The following FREM1 variants were observed in gnomAD, a reference collection of about 807,000 sequenced individuals.
FREM1 encodes the protein FRAS1-related extracellular matrix protein 1.
In FREM1, 220 loss-of-function variants were observed where a neutral mutation model predicts 210.1. The ratio of observed to expected loss-of-function variants is 1.05; its 90% CI spans 0.94 to 1.17. The LOEUF (loss-of-function observed/expected upper bound fraction) is 1.17. FREM1 is among the 50% of genes most tolerant of loss of function. FREM1 has a pLI of 0.00. For synonymous variants in FREM1, 1,189 were observed against 980.2 expected (o/e 1.21, Z -3.98); for missense variants, 3,454 against 2,675.5 (o/e 1.29, Z -6.42).
At chr9:14,753,070 A>G (rs1486545813) in intron 29 of FREM1, among the ~76,000 whole-genome samples, 4 of 152,100 alleles carry the variant, frequency 2.6e-5, no homozygotes, top group African/African-American at 9.7e-5. Flanking sequence ...AAACTTTATC[A>G]TTTTTTCCCT....
chr9:14,887,828 T>C (rs980455838), intron 1 of FREM1, among the ~76,000 whole-genome samples: 14 of 152,168 alleles, frequency 9.2e-5, no homozygotes, highest in African/African-American at 3.4e-4. Context: ...AAATATACAG[T>C]GATTTAAGTG....
Position 14,860,855 on chromosome 9 carries a change from ATATATACACATATATATACG to A in FREM1, c.330-1391_330-1372del. Among the ~76,000 whole-genome samples, 2 of 87,970 alleles carry A rather than the reference ATATATACACATATATATACG, an allele frequency of 2.3e-5. 1 individual carries two copies. Among genetic ancestry groups the A allele is most frequent in the African/African-American group, 1.6e-4 (2 of 12,364 alleles). The allele number at this position is 87,970 out of a possible 152,430, so 57.7% of individuals were successfully genotyped here. A position where few individuals can be genotyped will look rare whatever the true frequency, so the allele number is the denominator to read the frequency against. The stretch of plus-strand genomic sequence containing the variant: ...TATACGTATATATACATATATACGT[ATATATACACATATATATACG>A]TATATATACACATATATACATATAT... On this transcript the variant is annotated intron_variant, in intron 3 of 36. Transcript: ENST00000380880.
chr9:14,788,218 G>A (rs957895515), intron 23 of FREM1, among the ~76,000 whole-genome samples: 4 of 152,110 alleles, frequency 2.6e-5, no homozygotes, highest in African/African-American at 9.7e-5. Flanking sequence ...CCTCACATAA[G>A]CTGAAGCAAA....
chr9:14,880,701 T>C (rs1588561968), intron 1 of FREM1, among the ~76,000 whole-genome samples: 1 of 152,310 alleles, frequency 6.6e-6, no homozygotes, highest in East Asian at 1.9e-4. Context: ...AATCTTATTG[T>C]GTTTAAAGGC....
At chr9:14,881,152 C>T (rs1489066559) in intron 1 of FREM1, among the ~76,000 whole-genome samples, 2 of 152,232 alleles carry the variant, frequency 1.3e-5, no homozygotes, top group African/African-American at 4.8e-5. Context: ...TCCTGCCGCC[C>T]ACTCAGCCAA....
At chr9:14,762,784 A>G (rs1257235141) in intron 27 of FREM1, among the ~76,000 whole-genome samples, 1 of 129,374 alleles carries the variant, frequency 7.7e-6, no homozygotes, top group Non-Finnish European at 1.6e-5. Flanking sequence ...TTTTTGCAGT[A>G]GTATATTTGA....
At chr9:14,791,041 T>C (rs1359355605) in intron 22 of FREM1, 2 of 152,236 alleles carry the variant, frequency 1.3e-5, no homozygotes, top group South Asian at 4.1e-4. Context: ...TCTAGGACTG[T>C]GCCTCCACTA....
chr9:14,849,538 C>T (rs993389839), intron 6 of FREM1, among the ~76,000 whole-genome samples: 4 of 152,180 alleles, frequency 2.6e-5, no homozygotes, highest in African/African-American at 7.2e-5. Flanking sequence ...TTTTGAAGAA[C>T]ATGTGGTCCA....
chr9:14,798,967 C>A (rs546948863), intron 20 of FREM1, among the ~76,000 whole-genome samples: 1 of 151,908 alleles, frequency 6.6e-6, no homozygotes, highest in South Asian at 2.1e-4. Flanking sequence ...AACCACCACA[C>A]CCGGTCTCCA....
intron 6 of FREM1, 64 bp downstream of exon 6, chr9:14,851,220 T>C: frequency 8.5e-7 from 1 of 1,174,968 alleles, no homozygotes; most frequent in South Asian, 1.5e-5. Flanking sequence ...GGGTTTAGGG[T>C]AGGGGGTTCT....
intron 19 of FREM1, among the ~76,000 whole-genome samples, chr9:14,803,032 C>T (rs1384285658): frequency 2.3e-5 from 3 of 132,652 alleles, no homozygotes; most frequent in African/African-American, 8.4e-5. Flanking sequence ...TCTTCTTTCT[C>T]TTTCTTTTCT....
At position 14,756,324 on chromosome 9, in the gene FREM1, AAAAAAC is replaced by A. The variant is rs199506754; in HGVS notation, c.5407+44_5407+49del. ...TACAATCTCCAGACATGCCTACAAA[AAAAAAC>A]AAAAAACAAAACACATAAAACAAAC... On this transcript the variant is annotated intron_variant, in intron 29 of 36. Coordinates refer to ENST00000380880, the MANE Select transcript of FREM1 (RefSeq NM_001379081.2). 11 of 1,419,228 alleles carry A rather than the reference AAAAAAC, an allele frequency of 7.8e-6. No individual in the cohort carries two copies. The Admixed American group carries it at 1.9e-4, about 25-fold the overall frequency. 87.9% of individuals were successfully genotyped at this position (1,419,228 alleles called of 1,614,324 possible). A position where few individuals can be genotyped will look rare whatever the true frequency, so the allele number is the denominator to read the frequency against.
Position 14,848,732 on chromosome 9 carries a change from T to C in FREM1, c.1194A>G (p.Ala398=), listed in dbSNP as rs1264727485. ...EVYDFFFERS[A]PMTVHISIRT... is the part of the protein sequence containing the mutation. The stretch of plus-strand genomic sequence containing the variant: ...TGATGGAGATGTGGACTGTCATAGG[T>C]GCACTCCTTTCAAAGAAGAAGTCGT... The change falls in exon 7 of 37, where the codon GCA becomes GCG. Residue 398 remains alanine, a synonymous_variant. Transcript: ENST00000380880. 9 of 1,613,162 alleles carry C rather than the reference T, an allele frequency of 5.6e-6. No individual in the cohort carries two copies. The highest frequency in any genetic ancestry group is 5.0e-5 in the Admixed American group (3 of 59,998).
At chr9:14,818,434 T>G (rs896545023) in intron 14 of FREM1, among the ~76,000 whole-genome samples, 2 of 152,246 alleles carry the variant, frequency 1.3e-5, no homozygotes, top group Non-Finnish European at 2.9e-5. Context: ...TCTAGTCAAG[T>G]GCAGAGCTAA....
rs1564102076 is a variant in FREM1 at position 14,860,818 on chromosome 9, C to CATATATACGT, written c.330-1335_330-1334insACGTATATAT. Among the ~76,000 whole-genome samples, 472 of 48,056 alleles carry CATATATACGT rather than the reference C, an allele frequency of 9.8e-3. 29 individuals are homozygous for CATATATACGT. Among genetic ancestry groups the CATATATACGT allele is most frequent in the Middle Eastern group, 0.024 (1 of 42 alleles). The allele number at this position is 48,056 out of a possible 152,430, so 31.5% of individuals were successfully genotyped here. A position where few individuals can be genotyped will look rare whatever the true frequency, so the allele number is the denominator to read the frequency against. On this transcript the variant is annotated intron_variant, in intron 3 of 36. Transcript: ENST00000380880. ...ATATACACATATATACATATATACA[C>CATATATACGT]ATATATACATATATACGTATATATA...
chr9:14,852,293 C>A (rs1305136003), intron 5 of FREM1, among the ~76,000 whole-genome samples: 1 of 152,184 alleles, frequency 6.6e-6, no homozygotes, highest in African/African-American at 2.4e-5. Flanking sequence ...GCTAGGCATG[C>A]ATCCTCCCAA....
At position 14,859,131 on chromosome 9, in the gene FREM1, A is replaced by C. The variant is rs1357768257; in HGVS notation, c.631+52T>G. The C allele has an allele frequency of 2.8e-6, 4 of 1,417,814 alleles. No individual in the cohort carries two copies. In the East Asian group the frequency reaches 9.2e-5, roughly 33 times the overall value. The allele number at this position is 1,417,814 out of a possible 1,614,324, so 87.8% of individuals were successfully genotyped here. On this transcript the variant is annotated intron_variant, in intron 4 of 36. Coordinates refer to ENST00000380880, the MANE Select transcript of FREM1 (RefSeq NM_001379081.2). ...CATGGTGGAAGGTGAGCATGCATGG[A>C]TATTTTTGTCAGTTTTGGTAATACC...
At position 14,846,025 on chromosome 9, in the gene FREM1, T is replaced by G. The variant is rs755646862; in HGVS notation, c.1328A>C (p.Asp443Ala). 3 of 1,611,362 alleles carry G rather than the reference T, an allele frequency of 1.9e-6. No homozygotes were observed. The East Asian group carries it at 6.7e-5, about 36-fold the overall frequency. The change falls in exon 8 of 37, where the codon GAC becomes GCC. Residue 443 changes from aspartate (D) to alanine (A), a missense_variant. By Grantham distance (126) the Asp-to-Ala change is moderately radical. Transcript: ENST00000380880. ...TWEQFQVVDN[D>A]DIGAVRLVTV... is the part of the protein sequence containing the mutation. ...GACTAGCCGGACAGCACCAATGTCG[T>G]CATTGTCGACAACCTGAAACTGTTC...
chr9:14,844,225 C>CTTTTTTTTTTTTTTTTTTT (rs35686371), intron 8 of FREM1, among the ~76,000 whole-genome samples: 2 of 138,782 alleles, frequency 1.4e-5, no homozygotes, highest in Non-Finnish European at 1.6e-5. Context: ...ACAACTCTTC[C>CTTTTTTTTTTTTTTTTTTT]TTTTTTTTTT....
Sources: gnomAD v4.1 joint callset for allele counts (sites outside exome capture counted in the v4.1 genomes callset) on GRCh38, gnomAD v4.1.1 for gene constraint, MANE v1.5 for transcripts, NCBI Gene and HGNC (gene_info 2026-07-23, HGNC 2026-07-21) for gene names.